Variants in CDH13 observed in about 807,000 individuals in gnomAD.
CDH13 encodes cadherin-13.
CDH13 carries 24 observed loss-of-function variants against 63.8 expected under a neutral mutation model. That is an observed-to-expected ratio of 0.38 (90% CI 0.27 to 0.53). CDH13 has a LOEUF of 0.53. Ranked by LOEUF, CDH13 falls within the 20% of genes least tolerant of loss-of-function variation. The probability of loss-of-function intolerance (pLI) is 0.85; values close to 1 mark genes in which losing one functional copy is unlikely to be tolerated. For synonymous variants in CDH13, 503 were observed against 355.3 expected (o/e 1.42, Z -4.67); for missense variants, 1,049 against 903.1 (o/e 1.16, Z -2.07).
chr16:83,004,246 G>C (rs1379416940), intron 2 of CDH13, among the ~76,000 whole-genome samples: 1 of 152,134 alleles, frequency 6.6e-6, no homozygotes, highest in Admixed American at 6.5e-5. Flanking sequence ...AGATAGGGAA[G>C]CAGGAGGAAA....
intron 1 of CDH13, among the ~76,000 whole-genome samples, chr16:82,798,576 G>C (rs1001252064): frequency 6.6e-6 from 1 of 152,094 alleles, no homozygotes; most frequent in Admixed American, 6.5e-5. Context: ...ATGTGGCCTG[G>C]GCAATGTCTA....
intron 8 of CDH13, among the ~76,000 whole-genome samples, chr16:83,666,587 T>G (rs1458381203): frequency 1.3e-5 from 2 of 152,250 alleles, no homozygotes; most frequent in African/African-American, 4.8e-5. Flanking sequence ...CTCTGGAGTC[T>G]GATGTCATAG....
intron 1 of CDH13, among the ~76,000 whole-genome samples, chr16:82,675,031 C>G (rs555017112): frequency 2.6e-5 from 4 of 152,216 alleles, no homozygotes; most frequent in African/African-American, 7.2e-5. Flanking sequence ...ACCTTTATTT[C>G]TATTCTAATA....
In CDH13 at chr16:83,671,800, G is replaced by A. The variant is rs567458590; in HGVS notation, c.1284+828G>A. Among the ~76,000 whole-genome samples, 15 of 152,272 alleles carry A rather than the reference G, an allele frequency of 9.9e-5. No individual in the cohort carries two copies. The South Asian group carries it at 2.9e-3, about 29-fold the overall frequency. On this transcript the variant is annotated intron_variant, in intron 9 of 13. Coordinates refer to ENST00000567109, the MANE Select transcript of CDH13 (RefSeq NM_001257.5). Reference sequence around the variant, plus strand: ...CTCTCTATGGCAACAAGTAGAACAAGGAGGAAATGTAATTATAAATGTAAA... The same window carrying A: ...CTCTCTATGGCAACAAGTAGAACAAAGAGGAAATGTAATTATAAATGTAAA...
intron 1 of CDH13, among the ~76,000 whole-genome samples, chr16:82,629,854 A>C (rs1025731125): frequency 4.6e-5 from 7 of 152,244 alleles, no homozygotes; most frequent in Non-Finnish European, 8.8e-5. Flanking sequence ...ACTGTGAAAC[A>C]AATCAAGAAA....
chr16:82,838,976 T>C (rs2038890372), intron 1 of CDH13, among the ~76,000 whole-genome samples: 1 of 152,234 alleles, frequency 6.6e-6, no homozygotes, highest in Admixed American at 6.5e-5. Context: ...GCTACACTAC[T>C]CTACTCTGCC....
intron 8 of CDH13, among the ~76,000 whole-genome samples, chr16:83,626,381 C>T (rs1417961015): frequency 6.6e-6 from 1 of 152,116 alleles, no homozygotes; most frequent in East Asian, 1.9e-4. Flanking sequence ...GGGATAACTG[C>T]AGGAGAGATG....
intron 7 of CDH13, among the ~76,000 whole-genome samples, chr16:83,489,818 C>G (rs1205507028): frequency 6.6e-6 from 1 of 152,190 alleles, no homozygotes; most frequent in Admixed American, 6.5e-5. Context: ...TTAATACAGA[C>G]TTTTGCAGCA....
chr16:83,280,992 A>G (rs2089153117), intron 5 of CDH13, among the ~76,000 whole-genome samples: 2 of 152,346 alleles, frequency 1.3e-5, no homozygotes, highest in South Asian at 4.1e-4. Flanking sequence ...GCAAGATTAA[A>G]TTTCAGAATG....
At chr16:82,880,982 C>T (rs1288892031) in intron 2 of CDH13, among the ~76,000 whole-genome samples, 3 of 152,142 alleles carry the variant, frequency 2.0e-5, no homozygotes, top group Non-Finnish European at 4.4e-5. Flanking sequence ...AGACATTACC[C>T]CGTGGTGTCT....
At chr16:83,290,184 T>C (rs2089431913) in intron 5 of CDH13, among the ~76,000 whole-genome samples, 1 of 152,208 alleles carries the variant, frequency 6.6e-6, no homozygotes, top group South Asian at 2.1e-4. Context: ...CAATATACCA[T>C]TACGGGAACT....
chr16:83,540,236 C>T (rs774878457), intron 7 of CDH13, among the ~76,000 whole-genome samples: 1 of 151,958 alleles, frequency 6.6e-6, no homozygotes, highest in South Asian at 2.1e-4. Flanking sequence ...GTGATCAACT[C>T]AGTATACCAC....
intron 5 of CDH13, among the ~76,000 whole-genome samples, chr16:83,228,005 G>A (rs974867336): frequency 1.3e-5 from 2 of 152,172 alleles, no homozygotes; most frequent in Non-Finnish European, 2.9e-5. Flanking sequence ...TAGACACGGA[G>A]CCGATAAAAG....
chr16:83,252,057 T>A (rs4782526), intron 5 of CDH13, among the ~76,000 whole-genome samples: 1 of 146,948 alleles, frequency 6.8e-6, no homozygotes, highest in African/African-American at 2.5e-5. Context: ...ACCTCTTTTT[T>A]AAATAAATAT....
rs917500795 is a variant in CDH13, at chr16:83,796,710, A to C, written c.*1680A>C. The C allele has an allele frequency of 3.3e-5, 5 of 152,158 alleles. No individual in the cohort carries two copies. Among genetic ancestry groups the C allele is most frequent in the African/African-American group, 1.2e-4 (5 of 41,436 alleles). The allele number at this position is 152,158 out of a possible 1,614,324, so 9.4% of individuals were successfully genotyped here. A position where few individuals can be genotyped will look rare whatever the true frequency, so the allele number is the denominator to read the frequency against. ...ACAGACCATTTGGGGTCCGTCGTAC[A>C]TCTCTGGTTGGTGAGTGAGTCTATG... On this transcript the variant is annotated 3_prime_UTR_variant, in exon 14 of 14. Coordinates refer to ENST00000567109, the MANE Select transcript of CDH13 (RefSeq NM_001257.5).
intron 2 of CDH13, among the ~76,000 whole-genome samples, chr16:82,940,514 C>T (rs927570043): frequency 6.6e-5 from 10 of 152,118 alleles, no homozygotes; most frequent in Admixed American, 2.0e-4. Context: ...TGCCTTGTTC[C>T]ATAGTTTCTT....
At chr16:82,873,683 A>G (rs1395411880) in intron 2 of CDH13, among the ~76,000 whole-genome samples, 1 of 152,240 alleles carries the variant, frequency 6.6e-6, no homozygotes. Flanking sequence ...TGCTACATGC[A>G]ATATTTTTAT....
intron 2 of CDH13, among the ~76,000 whole-genome samples, chr16:83,022,128 G>C (rs1469302129): frequency 6.6e-6 from 1 of 152,152 alleles, no homozygotes; most frequent in African/African-American, 2.4e-5. Context: ...GCATACTGAG[G>C]GATATGAAAA....
intron 5 of CDH13, among the ~76,000 whole-genome samples, chr16:83,240,339 G>C (rs1317093477): frequency 6.6e-6 from 1 of 152,090 alleles, no homozygotes; most frequent in Non-Finnish European, 1.5e-5. Flanking sequence ...GAGTGAAATG[G>C]GAAGCACTGA....
Sources: gnomAD v4.1 joint callset for allele counts (sites outside exome capture counted in the v4.1 genomes callset) on GRCh38, gnomAD v4.1.1 for gene constraint, MANE v1.5 for transcripts, NCBI Gene and HGNC (gene_info 2026-07-23, HGNC 2026-07-21) for gene names.